The following RORA variants were observed in gnomAD, a reference collection of about 807,000 sequenced individuals.
RORA encodes nuclear receptor ROR-alpha.
A neutral mutation model predicts 69.5 loss-of-function variants in RORA; 7 were observed. That is an observed-to-expected ratio of 0.10 (90% CI 0.06 to 0.19). RORA has a LOEUF of 0.19. RORA is among the 10% of genes least tolerant of loss of function. The pLI, the probability that RORA is intolerant of heterozygous loss-of-function variation, is 1.00. For missense variants in RORA, 457 were observed against 663.0 expected, an observed-to-expected ratio of 0.69 and a Z score of 3.41; for synonymous variants, 261 against 240.8, an observed-to-expected ratio of 1.08 and a Z score of -0.78.
At chr15:60,795,524 G>A (rs1244318539) in intron 1 of RORA, among the ~76,000 whole-genome samples, 1 of 152,172 alleles carries the variant, frequency 6.6e-6, no homozygotes, top group Non-Finnish European at 1.5e-5. Context: ...ACTGTATTTC[G>A]CTGAGGCACA....
chr15:60,691,175 A>T, intron 1 of RORA, among the ~76,000 whole-genome samples: 1 of 152,106 alleles, frequency 6.6e-6, no homozygotes, highest in Non-Finnish European at 1.5e-5. Context: ...GGTCTCCTTC[A>T]CATCCATTCA....
intron 1 of RORA, among the ~76,000 whole-genome samples, chr15:61,120,511 A>G (rs1277211661): frequency 6.6e-6 from 1 of 152,004 alleles, no homozygotes; most frequent in Admixed American, 6.5e-5. Flanking sequence ...CACCCTGGCT[A>G]ACACGATGAA....
chr15:60,609,701 A>G (rs1322173073), intron 2 of RORA, among the ~76,000 whole-genome samples: 1 of 152,198 alleles, frequency 6.6e-6, no homozygotes, highest in Admixed American at 6.5e-5. Flanking sequence ...TGATACACGA[A>G]TCCTCATCCT....
At chr15:60,526,266 TTGGTAAGTGTCGATATC>T (rs1354431626) in intron 3 of RORA, among the ~76,000 whole-genome samples, 8 of 152,176 alleles carry the variant, frequency 5.3e-5, no homozygotes, top group Non-Finnish European at 1.2e-4. Context: ...CGTGTCATAT[TTGGTAAGTGTCGATATC>T]TGCTTTTGAC....
chr15:61,191,652 G>T (rs1279439546), intron 1 of RORA, among the ~76,000 whole-genome samples: 1 of 152,112 alleles, frequency 6.6e-6, no homozygotes, highest in Non-Finnish European at 1.5e-5. Context: ...ACTGCTTATT[G>T]GTTCTCCCTT....
intron 3 of RORA, among the ~76,000 whole-genome samples, chr15:60,522,662 T>C (rs371820913): frequency 6.6e-6 from 1 of 150,932 alleles, no homozygotes; most frequent in African/African-American, 2.4e-5. Flanking sequence ...CCCAGCTACT[T>C]GGGAAGGTGA....
chr15:60,972,138 T>C (rs1893736043), intron 1 of RORA, among the ~76,000 whole-genome samples: 1 of 152,040 alleles, frequency 6.6e-6, no homozygotes, highest in African/African-American at 2.4e-5. Context: ...GCCATTGGAG[T>C]AGTGGGAAAA....
chr15:61,048,253 C>T (rs781346871), intron 1 of RORA, among the ~76,000 whole-genome samples: 1 of 152,192 alleles, frequency 6.6e-6, no homozygotes, highest in African/African-American at 2.4e-5. Flanking sequence ...TGTTCTCATG[C>T]GTAAGCCTTT....
intron 1 of RORA, among the ~76,000 whole-genome samples, chr15:61,057,427 G>A (rs1256493019): frequency 6.6e-6 from 1 of 152,214 alleles, no homozygotes; most frequent in Non-Finnish European, 1.5e-5. Flanking sequence ...GAATGATCAT[G>A]TTTAGAATTT....
At chr15:60,981,611 G>A (rs1894046766) in intron 1 of RORA, among the ~76,000 whole-genome samples, 1 of 151,638 alleles carries the variant, frequency 6.6e-6, no homozygotes, top group Admixed American at 6.6e-5. Context: ...TTTTCTTTTA[G>A]TTATTCTACT....
intron 1 of RORA, among the ~76,000 whole-genome samples, chr15:60,812,342 A>AAT (rs1428538403): frequency 1.3e-5 from 2 of 152,040 alleles, no homozygotes; most frequent in Admixed American, 1.3e-4. Flanking sequence ...CATCTCTACA[A>AAT]ATATATATAT....
chr15:60,925,341 A>C (rs948281361), intron 1 of RORA, among the ~76,000 whole-genome samples: 1 of 152,112 alleles, frequency 6.6e-6, no homozygotes, highest in African/African-American at 2.4e-5. Flanking sequence ...CTTCGAAGAG[A>C]ATATTTGAAA....
chr15:61,043,177 G>C (rs1163301935), intron 1 of RORA, among the ~76,000 whole-genome samples: 1 of 152,230 alleles, frequency 6.6e-6, no homozygotes, highest in Non-Finnish European at 1.5e-5. Flanking sequence ...TGGAAAAACA[G>C]ATATTTACAG....
intron 1 of RORA, among the ~76,000 whole-genome samples, chr15:61,047,962 T>C (rs1156745540): frequency 6.6e-6 from 1 of 152,132 alleles, no homozygotes; most frequent in Non-Finnish European, 1.5e-5. Context: ...TGAGCAACGT[T>C]AAAACTCCCC....
At chr15:60,836,445 G>C (rs1443350740) in intron 1 of RORA, among the ~76,000 whole-genome samples, 1 of 152,120 alleles carries the variant, frequency 6.6e-6, no homozygotes, top group Non-Finnish European at 1.5e-5. Context: ...CTCTCTGCCT[G>C]TCCAGAAGTG....
At chr15:60,719,895 A>C (rs2071270291) in intron 1 of RORA, among the ~76,000 whole-genome samples, 1 of 152,184 alleles carries the variant, frequency 6.6e-6, no homozygotes, top group African/African-American at 2.4e-5. Flanking sequence ...GTGCTTCAGA[A>C]GAAGCTAGCT....
At chr15:60,897,307 T>C (rs1891256529) in intron 1 of RORA, among the ~76,000 whole-genome samples, 1 of 152,334 alleles carries the variant, frequency 6.6e-6, no homozygotes, top group South Asian at 2.1e-4. Context: ...CTTTCACTCA[T>C]TATCTCAAAA....
At chr15:61,136,144 C>T (rs1040766898) in intron 1 of RORA, among the ~76,000 whole-genome samples, 4 of 152,124 alleles carry the variant, frequency 2.6e-5, no homozygotes, top group African/African-American at 9.7e-5. Context: ...TGGAAGAGTT[C>T]CTGGCCATAG....
At position 60,740,008 on chromosome 15, in the gene RORA, C is replaced by G. The variant is rs74017316; in HGVS notation, c.167-61322G>C. ...CAAAGAAAGAGATTTGTCCATCTCC[C>G]CTGGACACCAACCTCTCTTCTCCTC... On this transcript the variant is annotated intron_variant, in intron 1 of 10. Coordinates refer to ENST00000335670, the MANE Select transcript of RORA (RefSeq NM_134261.3). 4.2e-3 allele frequency among the ~76,000 whole-genome samples: 639 copies of G among 152,222 alleles called. 5 individuals are homozygous for G. The highest frequency in any genetic ancestry group is 0.015 in the African/African-American group (612 of 41,518).
Sources: allele counts gnomAD v4.1 joint callset (sites outside exome capture counted in the v4.1 genomes callset), GRCh38; gene constraint gnomAD v4.1.1; transcripts MANE v1.5; gene names NCBI Gene and HGNC (gene_info 2026-07-23, HGNC 2026-07-21).